Variants in PTP4A3 observed in about 807,000 individuals in gnomAD.
The protein encoded by PTP4A3 is protein tyrosine phosphatase 4A3.
Under a neutral mutation model 15.2 loss-of-function variants are expected in PTP4A3, and 9 were observed. The ratio of observed to expected loss-of-function variants is 0.59; its 90% CI spans 0.36 to 1.03. The LOEUF (loss-of-function observed/expected upper bound fraction) is 1.03, where lower values mean the gene tolerates loss of function less well. PTP4A3 is among the 50% of genes least tolerant of loss of function. The pLI, the probability that PTP4A3 is intolerant of heterozygous loss-of-function variation, is 0.02. For missense variants in PTP4A3, 234 were observed against 252.1 expected (o/e 0.93, Z 0.49); for synonymous variants, 95 against 102.0 (o/e 0.93, Z 0.41).
intron 1 of PTP4A3, among the ~76,000 whole-genome samples, chr8:141,414,832 G>T (rs1832976612): frequency 6.6e-6 from 1 of 152,042 alleles, no homozygotes; most frequent in Non-Finnish European, 1.5e-5. Flanking sequence ...TTTCCAGGGT[G>T]AGGTACGAGG....
intron 1 of PTP4A3, among the ~76,000 whole-genome samples, chr8:141,405,676 G>A (rs1359723787): frequency 2.6e-5 from 4 of 152,114 alleles, no homozygotes; most frequent in Non-Finnish European, 4.4e-5. Flanking sequence ...AGCTGTGGCC[G>A]GTCTCTTGTC....
chr8:141,419,035 C>T (rs7828919), intron 1 of PTP4A3, among the ~76,000 whole-genome samples: 36,844 of 152,084 alleles, frequency 0.24, 5,649 homozygotes, highest in African/African-American at 0.43. Flanking sequence ...CCAGCCTCTC[C>T]CTGGACCCCT....
intron 1 of PTP4A3, among the ~76,000 whole-genome samples, chr8:141,417,175 T>C (rs939769434): frequency 3.3e-5 from 5 of 152,110 alleles, no homozygotes; most frequent in Admixed American, 1.3e-4. Context: ...AGAGGGGGCA[T>C]CAGTGCCGAG....
intron 1 of PTP4A3, among the ~76,000 whole-genome samples, chr8:141,393,285 G>T (rs1832343639): frequency 6.6e-6 from 1 of 152,222 alleles, no homozygotes; most frequent in Non-Finnish European, 1.5e-5. Flanking sequence ...TGCAAAGGGG[G>T]CGTTGGAGCT....
At chr8:141,410,865 C>T (rs1832851327) in intron 1 of PTP4A3, among the ~76,000 whole-genome samples, 1 of 152,134 alleles carries the variant, frequency 6.6e-6, no homozygotes, top group Non-Finnish European at 1.5e-5. Context: ...GAGCTGTCCC[C>T]TCCCCTGGAC....
rs540609286 is a variant in PTP4A3, at chr8:141,415,929, C to G, written c.-853-5459C>G. Among the ~76,000 whole-genome samples, 425 of 151,960 alleles carry G rather than the reference C, an allele frequency of 2.8e-3. 1 individual carries two copies. The highest frequency in any genetic ancestry group is 4.6e-3 in the Non-Finnish European group (315 of 67,920). On this transcript the variant is annotated intron_variant, in intron 1 of 5. Transcript: ENST00000521578. Reference sequence around the variant, plus strand: ...TGCTTGGGTCTCCCCTCCTGGCCCCCCTAGCAATGGGCGGACTTGGGCCCG... The same window carrying G: ...TGCTTGGGTCTCCCCTCCTGGCCCCGCTAGCAATGGGCGGACTTGGGCCCG...
chr8:141,420,006 T>C (rs1833253250), intron 1 of PTP4A3, among the ~76,000 whole-genome samples: 1 of 152,148 alleles, frequency 6.6e-6, no homozygotes, highest in Non-Finnish European at 1.5e-5. Flanking sequence ...GAGCCCACTG[T>C]CCCAGGTAGC....
chr8:141,393,227 G>A (rs996647775), intron 1 of PTP4A3, among the ~76,000 whole-genome samples: 8 of 152,294 alleles, frequency 5.3e-5, no homozygotes, highest in African/African-American at 1.4e-4. Context: ...GGTGGAGTTG[G>A]TGCAGCCCCT....
At chr8:141,428,607 TGA>T (rs1833694323) in intron 5 of PTP4A3, among the ~76,000 whole-genome samples, 1 of 152,018 alleles carries the variant, frequency 6.6e-6, no homozygotes, top group Non-Finnish European at 1.5e-5. Context: ...TGGGTCTGTG[TGA>T]GAGTGTGGCC....
At chr8:141,424,305 C>T (rs184261051) in intron 2 of PTP4A3, among the ~76,000 whole-genome samples, 4 of 152,314 alleles carry the variant, frequency 2.6e-5, no homozygotes, top group African/African-American at 9.6e-5. Flanking sequence ...GGATCCTCCG[C>T]AGTGGGGGTA....
intron 5 of PTP4A3, among the ~76,000 whole-genome samples, chr8:141,430,466 G>A (rs1199884230): frequency 6.6e-6 from 1 of 151,416 alleles, no homozygotes; most frequent in East Asian, 1.9e-4. Flanking sequence ...ACCAGGTGGT[G>A]GGGATGGTGG....
rs906524524 is a variant in PTP4A3, at chr8:141,431,279, G to A, written c.*235G>A. 8 of 560,092 alleles carry A rather than the reference G, an allele frequency of 1.4e-5. No homozygotes were observed. Among genetic ancestry groups the A allele is most frequent in the South Asian group, 6.8e-5 (3 of 44,318 alleles). The allele number at this position is 560,092 out of a possible 1,614,324, so 34.7% of individuals were successfully genotyped here. On this transcript the variant is annotated 3_prime_UTR_variant, in exon 6 of 6. Coordinates refer to ENST00000521578, the MANE Select transcript of PTP4A3 (RefSeq NM_032611.3). ...TGTCTCCGCCACTCCCTCTGGCGGC[G>A]CTGGCCGTGGCTCTGTCTCTCTGAG...
intron 2 of PTP4A3, among the ~76,000 whole-genome samples, chr8:141,422,837 G>T (rs566319145): frequency 2.6e-5 from 4 of 152,284 alleles, no homozygotes; most frequent in Non-Finnish European, 5.9e-5. Flanking sequence ...CAGGAGGGAG[G>T]GACCACTGTG....
At chr8:141,419,098 C>G (rs1306025501) in intron 1 of PTP4A3, among the ~76,000 whole-genome samples, 2 of 152,156 alleles carry the variant, frequency 1.3e-5, no homozygotes, top group Non-Finnish European at 2.9e-5. Flanking sequence ...GGCTAACCCC[C>G]TGATTCCGGC....
chr8:141,405,315 T>C (rs1408785565), intron 1 of PTP4A3, among the ~76,000 whole-genome samples: 3 of 152,186 alleles, frequency 2.0e-5, no homozygotes, highest in African/African-American at 4.8e-5. Flanking sequence ...CCAGTCTTCC[T>C]TGGGGGCTCC....
At chr8:141,424,741 C>T (rs1056211016) in intron 2 of PTP4A3, among the ~76,000 whole-genome samples, 1 of 152,058 alleles carries the variant, frequency 6.6e-6, no homozygotes, top group Admixed American at 6.5e-5. Context: ...AGGACAGGCT[C>T]TTCGACAGCC....
chr8:141,419,418 A>G (rs929158586), intron 1 of PTP4A3, among the ~76,000 whole-genome samples: 21 of 152,320 alleles, frequency 1.4e-4, no homozygotes, highest in African/African-American at 5.1e-4. Flanking sequence ...AGAGGGACCC[A>G]GGTGTTTGTG....
Position 141,432,244 on chromosome 8 carries a change from A to T in PTP4A3, c.*1200A>T, listed in dbSNP as rs1426429253. On this transcript the variant is annotated 3_prime_UTR_variant, in exon 6 of 6. Transcript: ENST00000521578. ...GAGCGACTGGGGCAGGTGCTGGAGG[A>T]GGTCAGTGGACAAGATGGGGAGATG... 6.6e-6 allele frequency: 1 copy of T among 152,074 alleles called. No individual in the cohort carries two copies. Among genetic ancestry groups the T allele is most frequent in the Non-Finnish European group, 1.5e-5 (1 of 68,042 alleles). The allele number at this position is 152,074 out of a possible 1,614,324, so 9.4% of individuals were successfully genotyped here.
Position 141,422,123 on chromosome 8 carries a change from G to T in PTP4A3, c.-118G>T. The T allele has an allele frequency of 1.0e-6, 1 of 956,324 alleles. No homozygotes were observed. The highest frequency in any genetic ancestry group is 1.6e-6 in the Non-Finnish European group (1 of 619,334). The allele number at this position is 956,324 out of a possible 1,614,324, so 59.2% of individuals were successfully genotyped here. A position where few individuals can be genotyped will look rare whatever the true frequency, so the allele number is the denominator to read the frequency against. The stretch of plus-strand genomic sequence containing the variant: ...TGGGTTTTTAAATCTCGTTTCTCTT[G>T]GACAAGCACAGGGATCTCGTTCTCC... On this transcript the variant is annotated 5_prime_UTR_variant, in exon 2 of 6. Coordinates refer to ENST00000521578, the MANE Select transcript of PTP4A3 (RefSeq NM_032611.3).
Sources: gnomAD v4.1 joint callset for allele counts (sites outside exome capture counted in the v4.1 genomes callset) on GRCh38, gnomAD v4.1.1 for gene constraint, MANE v1.5 for transcripts, NCBI Gene and HGNC (gene_info 2026-07-23, HGNC 2026-07-21) for gene names.